The following ROBO1 variants were observed in gnomAD, a reference collection of about 807,000 sequenced individuals.
ROBO1 encodes the protein roundabout guidance receptor 1, also known as roundabout homolog 1.
ROBO1 carries 149 observed loss-of-function variants against 195.9 expected under a neutral mutation model. The ratio of observed to expected loss-of-function variants is 0.76; its 90% CI spans 0.67 to 0.87. The LOEUF (loss-of-function observed/expected upper bound fraction) is 0.87. Ranked by LOEUF, ROBO1 falls within the 40% of genes least tolerant of loss-of-function variation. The pLI is 0.00. For synonymous variants in ROBO1, 816 were observed against 733.2 expected (o/e 1.11, Z -1.82); for missense variants, 1,933 against 2,068.3 (o/e 0.93, Z 1.27).
chr3:78,932,099 T>A (rs1279140280), intron 4 of ROBO1, among the ~76,000 whole-genome samples: 1 of 152,188 alleles, frequency 6.6e-6, no homozygotes, highest in Non-Finnish European at 1.5e-5. Context: ...TAAATACAAA[T>A]GATTCTCAAG....
chr3:79,482,645 AAAT>A (rs568479428), intron 2 of ROBO1, among the ~76,000 whole-genome samples: 47 of 152,180 alleles, frequency 3.1e-4, no homozygotes, highest in Non-Finnish European at 5.6e-4. Context: ...GAATGCATAT[AAAT>A]AATAATAAGG....
intron 25 of ROBO1, among the ~76,000 whole-genome samples, chr3:78,630,164 A>C (rs896667366): frequency 6.6e-6 from 1 of 152,192 alleles, no homozygotes; most frequent in South Asian, 2.1e-4. Context: ...TTAAAAACAC[A>C]TACATAAAAC....
chr3:78,897,090 T>C (rs1026972088), intron 4 of ROBO1, among the ~76,000 whole-genome samples: 9 of 152,220 alleles, frequency 5.9e-5, no homozygotes, highest in Non-Finnish European at 1.2e-4. Flanking sequence ...TAGCTATGTT[T>C]CTGTAAGGAA....
chr3:78,851,880 G>A (rs2034089208), intron 4 of ROBO1, among the ~76,000 whole-genome samples: 1 of 151,874 alleles, frequency 6.6e-6, no homozygotes, highest in Admixed American at 6.6e-5. Context: ...CCAAAATAAT[G>A]TATAGACTGT....
chr3:78,824,516 A>C (rs2031391442), intron 4 of ROBO1, among the ~76,000 whole-genome samples: 1 of 152,328 alleles, frequency 6.6e-6, no homozygotes, highest in East Asian at 1.9e-4. Flanking sequence ...ATATTGGCTC[A>C]AGACACTATT....
intron 3 of ROBO1, among the ~76,000 whole-genome samples, chr3:78,995,812 G>A (rs2077351861): frequency 6.6e-6 from 1 of 150,616 alleles, no homozygotes; most frequent in African/African-American, 2.4e-5. Flanking sequence ...ATAAAAAAAA[G>A]TCCTTACTAG....
chr3:79,032,678 G>A (rs2078317413), intron 3 of ROBO1, among the ~76,000 whole-genome samples: 1 of 151,912 alleles, frequency 6.6e-6, no homozygotes, highest in Non-Finnish European at 1.5e-5. Context: ...TTTTATTCAT[G>A]TACCCGTGGA....
At chr3:79,129,213 T>C (rs566899915) in intron 2 of ROBO1, among the ~76,000 whole-genome samples, 92 of 152,294 alleles carry the variant, frequency 6.0e-4, no homozygotes, top group African/African-American at 2.1e-3. Context: ...ATATTTTACA[T>C]AAATATTAAA....
At chr3:79,512,369 G>T (rs1021526745) in intron 2 of ROBO1, among the ~76,000 whole-genome samples, 14 of 151,964 alleles carry the variant, frequency 9.2e-5, no homozygotes, top group Admixed American at 5.9e-4. Flanking sequence ...TTGTGATTAT[G>T]CCTTACTTCT....
intron 2 of ROBO1, among the ~76,000 whole-genome samples, chr3:79,240,456 T>G (rs1261765509): frequency 6.6e-6 from 1 of 152,196 alleles, no homozygotes; most frequent in East Asian, 1.9e-4. Context: ...TTAAGTCTGC[T>G]TGATCATCCA....
At chr3:79,229,619 C>A (rs1050990416) in intron 2 of ROBO1, among the ~76,000 whole-genome samples, 1 of 151,890 alleles carries the variant, frequency 6.6e-6, no homozygotes, top group Non-Finnish European at 1.5e-5. Context: ...TTATTTATTT[C>A]TTTCTTTTTG....
chr3:79,644,491 T>A (rs2106695152), intron 1 of ROBO1, among the ~76,000 whole-genome samples: 1 of 152,240 alleles, frequency 6.6e-6, no homozygotes, highest in African/African-American at 2.4e-5. Context: ...AAGTCAGGAC[T>A]TACATGGAGG....
At chr3:78,803,576 T>C (rs1020663140) in intron 4 of ROBO1, among the ~76,000 whole-genome samples, 2 of 152,114 alleles carry the variant, frequency 1.3e-5, no homozygotes, top group Non-Finnish European at 2.9e-5. Flanking sequence ...CTTTTAATCT[T>C]CTAAACAACA....
intron 2 of ROBO1, among the ~76,000 whole-genome samples, chr3:79,298,782 T>A (rs986475313): frequency 9.9e-5 from 15 of 152,044 alleles, no homozygotes; most frequent in African/African-American, 3.6e-4. Context: ...ACTAGAAAAA[T>A]AATTTGGATT....
rs1707094861 is a variant in ROBO1, at chr3:78,657,232, T to C, written c.2480A>G (p.Asn827Ser). The change falls in exon 18 of 31, where the codon AAC becomes AGC. Residue 827 changes from asparagine (N) to serine (S), a missense_variant. By Grantham distance (46) the Asn-to-Ser change is conservative. Transcript: ENST00000464233. The stretch of plus-strand genomic sequence containing the variant: ...AAAGGTGGAACCATCCACTGTTTTG[T>C]TGATGTGGTATCGAGTTTCATTGCC... Reference protein sequence around the residue: ...CLGNETRYHINKTVDGSTFSV... With the variant: ...CLGNETRYHISKTVDGSTFSV... 5.0e-6 allele frequency: 8 copies of C among 1,613,746 alleles called. No homozygotes were observed. The highest frequency in any genetic ancestry group is 1.3e-5 in the African/African-American group (1 of 75,060).
intron 4 of ROBO1, among the ~76,000 whole-genome samples, chr3:78,821,565 G>A (rs1362714643): frequency 1.3e-5 from 2 of 151,960 alleles, no homozygotes; most frequent in Non-Finnish European, 2.9e-5. Flanking sequence ...TAAATTGCTC[G>A]CTTTTCACAT....
At chr3:79,671,525 T>C (rs999741769) in intron 1 of ROBO1, among the ~76,000 whole-genome samples, 6 of 151,920 alleles carry the variant, frequency 3.9e-5, no homozygotes, top group African/African-American at 1.4e-4. Context: ...ATACTGTATA[T>C]ATTGTATTGA....
intron 1 of ROBO1, among the ~76,000 whole-genome samples, chr3:79,761,166 T>G (rs952617875): frequency 6.7e-6 from 1 of 148,334 alleles, no homozygotes; most frequent in East Asian, 1.9e-4. Context: ...AAATATAATA[T>G]ATGTATATAC....
chr3:79,285,575 GGAA>G (rs1332845512), intron 2 of ROBO1, among the ~76,000 whole-genome samples: 1 of 152,132 alleles, frequency 6.6e-6, no homozygotes, highest in Admixed American at 6.5e-5. Flanking sequence ...GACCCTTCAA[GGAA>G]GCTGTGCAAC....
Sources: gnomAD v4.1 joint callset for allele counts (sites outside exome capture counted in the v4.1 genomes callset) on GRCh38, gnomAD v4.1.1 for gene constraint, MANE v1.5 for transcripts, NCBI Gene and HGNC (gene_info 2026-07-23, HGNC 2026-07-21) for gene names.